SMAD7: variants seen among roughly 807,000 people sequenced by gnomAD.
The protein encoded by SMAD7 is MAD (mothers against decapentaplegic, Drosophila) homolog 7.
A neutral mutation model predicts 38.7 loss-of-function variants in SMAD7; 8 were observed. That is an observed-to-expected ratio of 0.21 (90% CI 0.12 to 0.37). The LOEUF is 0.37. SMAD7 is among the 10% of genes least tolerant of loss of function. The pLI is 1.00. For synonymous variants in SMAD7, 327 were observed against 265.1 expected, an observed-to-expected ratio of 1.23 and a Z score of -2.27; for missense variants, 477 against 577.9, an observed-to-expected ratio of 0.83 and a Z score of 1.79.
At chr18:48,943,675 C>T (rs922396813) in intron 2 of SMAD7, among the ~76,000 whole-genome samples, 1 of 152,210 alleles carries the variant, frequency 6.6e-6, no homozygotes, top group Non-Finnish European at 1.5e-5. Context: ...GGCCTCCTAC[C>T]CCAGGCCACC....
chr18:48,927,404 G>C (rs111875783), intron 3 of SMAD7, among the ~76,000 whole-genome samples: 9 of 152,174 alleles, frequency 5.9e-5, no homozygotes, highest in African/African-American at 2.2e-4. Flanking sequence ...TCCTTCAAAG[G>C]CCAGGCTGCT....
At chr18:48,925,258 G>C (rs927620314) in intron 3 of SMAD7, among the ~76,000 whole-genome samples, 31 of 152,208 alleles carry the variant, frequency 2.0e-4, no homozygotes, top group African/African-American at 7.0e-4. Flanking sequence ...CTGTACAGGG[G>C]CTTGTTTTAA....
intron 2 of SMAD7, among the ~76,000 whole-genome samples, chr18:48,947,899 C>CG (rs1227028684): frequency 2.0e-5 from 3 of 148,662 alleles, no homozygotes; most frequent in African/African-American, 7.6e-5. Context: ...CCTACCCCCC[C>CG]CCCCCTTTTA....
At position 48,949,962 on chromosome 18, in the gene SMAD7, G is replaced by A; in HGVS notation, c.463C>T (p.Leu155Phe). Reference protein sequence around the residue: ...QPAQPPSSYSLPLLLCKVFRW... With the variant: ...QPAQPPSSYSFPLLLCKVFRW... ...AACACTTTGCACAGCAGGAGGGGGA[G>A]CGAGTAGGACGAGGGCGGCTGCGCA... The change falls in exon 1 of 4, where the codon CTC becomes TTC. Residue 155 changes from leucine (L) to phenylalanine (F), a missense_variant. Physicochemically the swap from Leu to Phe is conservative, Grantham distance 22. Coordinates refer to ENST00000262158, the MANE Select transcript of SMAD7 (RefSeq NM_005904.4). 6.2e-7 allele frequency: 1 copy of A among 1,610,630 alleles called. No homozygotes were observed.
intron 3 of SMAD7, among the ~76,000 whole-genome samples, chr18:48,925,988 C>T (rs59907372): frequency 0.015 from 2,284 of 152,312 alleles, 54 homozygotes; most frequent in African/African-American, 0.05. Flanking sequence ...CCTCGTGATC[C>T]GCCAGCCTCA....
intron 3 of SMAD7, among the ~76,000 whole-genome samples, chr18:48,929,660 G>A (rs2069972770): frequency 6.7e-6 from 1 of 149,972 alleles, no homozygotes; most frequent in African/African-American, 2.5e-5. Context: ...TTTCCAAAAG[G>A]ACAAAACCCC....
intron 3 of SMAD7, among the ~76,000 whole-genome samples, chr18:48,930,552 G>A (rs755344319): frequency 6.6e-6 from 1 of 152,076 alleles, no homozygotes; most frequent in Non-Finnish European, 1.5e-5. Context: ...TCCCATAAAT[G>A]TGAGCTCCAA....
chr18:48,929,573 T>A (rs60551970), intron 3 of SMAD7, among the ~76,000 whole-genome samples: 105,689 of 136,502 alleles, frequency 0.77, 41,659 homozygotes, highest in Middle Eastern at 0.91. Context: ...TCTCTCTCAC[T>A]CACACACACA....
intron 3 of SMAD7, among the ~76,000 whole-genome samples, chr18:48,933,199 G>A (rs2070023416): frequency 6.6e-6 from 1 of 152,184 alleles, no homozygotes; most frequent in Admixed American, 6.5e-5. Flanking sequence ...AGCAGAAGTA[G>A]AAGTGGATGA....
Position 48,921,836 on chromosome 18 carries a change from C to T in SMAD7, c.817G>A (p.Val273Met). 1 of 1,613,878 alleles carries T rather than the reference C, an allele frequency of 6.2e-7. No individual in the cohort carries two copies. The highest frequency in any genetic ancestry group is 8.5e-7 in the Non-Finnish European group (1 of 1,179,976). Residue 273 changes from valine to methionine, a missense_variant, in exon 4 of 4, where the codon GTG (valine) becomes ATG (methionine). By Grantham distance (21) the Val-to-Met change is conservative. This residue lies in a region of SMAD7 where 376 missense variants were observed against 379.4 expected (regional missense o/e 0.99). Transcript: ENST00000262158. This position sits in a 1 kb window ranked among gnomAD's most constrained non-coding sequence, Gnocchi z 6.4. ...VVAYWEEKTR[V>M]GRLYCVQEPS... is the part of the protein sequence containing the mutation. ...TCCTGGACACAGTAGAGCCTCCCCA[C>T]TCTCGTCTTCTCCTCCCAGTATGCC...
chr18:48,934,001 G>A (rs752391376), intron 3 of SMAD7, among the ~76,000 whole-genome samples: 2 of 152,190 alleles, frequency 1.3e-5, no homozygotes, highest in East Asian at 1.9e-4. Flanking sequence ...TCCTAAAGAC[G>A]GCTCCTTGGC....
intron 3 of SMAD7, among the ~76,000 whole-genome samples, chr18:48,941,449 C>T (rs1451347747): frequency 6.6e-6 from 1 of 152,176 alleles, no homozygotes; most frequent in Non-Finnish European, 1.5e-5. Context: ...CCTGAGCCAG[C>T]CATGGAAGAC....
intron 3 of SMAD7, among the ~76,000 whole-genome samples, chr18:48,931,082 G>C (rs1022486669): frequency 1.3e-5 from 2 of 152,192 alleles, no homozygotes; most frequent in Non-Finnish European, 2.9e-5. Context: ...AACACTGTCT[G>C]ATTCCACTAT....
intron 3 of SMAD7, among the ~76,000 whole-genome samples, chr18:48,928,842 A>G (rs893038130): frequency 6.6e-6 from 1 of 152,192 alleles, no homozygotes; most frequent in Non-Finnish European, 1.5e-5. Context: ...TTATCTCGCC[A>G]TGGAGAATGT....
chr18:48,922,055 G>A, intron 3 of SMAD7, 145 bp from the exon 4 acceptor site: 1 of 665,646 alleles, frequency 1.5e-6, no homozygotes, highest in Non-Finnish European at 2.5e-6. Flanking sequence ...GCTAGTCCTG[G>A]ACTTGCCCAG....
At chr18:48,948,655 G>A in intron 1 of SMAD7, 1 of 413,484 alleles carries the variant, frequency 2.4e-6, no homozygotes, top group Non-Finnish European at 4.3e-6. Context: ...CACGTCTGCG[G>A]CCGCAGCCGC....
chr18:48,922,142 C>T (rs2069870380), intron 3 of SMAD7, among the ~76,000 whole-genome samples: 1 of 152,184 alleles, frequency 6.6e-6, no homozygotes, highest in South Asian at 2.1e-4. Flanking sequence ...TCTCCAGGCC[C>T]CTGCCCATCA....
rs2069852974 is a variant in SMAD7, at chr18:48,921,136, C to A, written c.*236G>T. On this transcript the variant is annotated 3_prime_UTR_variant, in exon 4 of 4. Transcript: ENST00000262158. The surrounding 1 kb of genome is among the most constrained non-coding windows in gnomAD (Gnocchi z 6.4). The stretch of plus-strand genomic sequence containing the variant: ...CTTCCTATCAGGGTGTCCTGCCGAT[C>A]ATACCTGCCCCTTCTTCCAAAAAAA... The A allele has an allele frequency of 5.7e-6, 3 of 528,440 alleles. No homozygotes were observed. In the African/African-American group the frequency reaches 5.7e-5, roughly 10 times the overall value. The allele number at this position is 528,440 out of a possible 1,614,324, so 32.7% of individuals were successfully genotyped here.
chr18:48,930,772 A>G (rs1383545952), intron 3 of SMAD7, among the ~76,000 whole-genome samples: 1 of 152,238 alleles, frequency 6.6e-6, no homozygotes, highest in Non-Finnish European at 1.5e-5. Flanking sequence ...GCCTTAAAAA[A>G]TTAAACACAG....
Sources: allele counts gnomAD v4.1 joint callset (sites outside exome capture counted in the v4.1 genomes callset), GRCh38; gene constraint gnomAD v4.1.1; regional missense constraint gnomAD v4.1.1; non-coding constraint Gnocchi (gnomAD v3.1); transcripts MANE v1.5; gene names NCBI Gene and HGNC (gene_info 2026-07-23, HGNC 2026-07-21).